The following PRKAG2 variants were observed in gnomAD, a reference collection of about 807,000 sequenced individuals.
The protein encoded by PRKAG2 is 5'-AMP-activated protein kinase subunit gamma-2.
PRKAG2 carries 26 observed loss-of-function variants against 69.6 expected under a neutral mutation model. That is an observed-to-expected ratio of 0.37 (90% CI 0.27 to 0.52). PRKAG2 has a LOEUF of 0.52. Among genes scored for constraint, PRKAG2 ranks in the 20% least tolerant of loss-of-function variants. PRKAG2 has a pLI of 0.90. For synonymous variants in PRKAG2, 293 were observed against 285.0 expected, an observed-to-expected ratio of 1.03 and a Z score of -0.28; for missense variants, 557 against 740.0, an observed-to-expected ratio of 0.75 and a Z score of 2.87.
Position 151,735,911 on chromosome 7 carries a change from T to G in PRKAG2, c.466+45241A>C, listed in dbSNP as rs138051386. Reference sequence around the variant, plus strand: ...GGGCAGAGTCCTACCGAAAAGGCCATGAGGCTCCGACTGGCGCCTCTCCGT... The same window carrying G: ...GGGCAGAGTCCTACCGAAAAGGCCAGGAGGCTCCGACTGGCGCCTCTCCGT... On this transcript the variant is annotated intron_variant, in intron 3 of 15. Coordinates refer to ENST00000287878, the MANE Select transcript of PRKAG2 (RefSeq NM_016203.4). The G allele has an allele frequency of 1.5e-4, 226 of 1,536,294 alleles. 1 individual carries two copies. The East Asian group carries it at 2.0e-3, about 14-fold the overall frequency.
At chr7:151,786,666 G>A in intron 1 of PRKAG2, 125 bp from the exon 2 acceptor site, 1 of 806,692 alleles carries the variant, frequency 1.2e-6, no homozygotes, top group Admixed American at 2.1e-5. Flanking sequence ...CCATGAAGAA[G>A]GGATGTGGAC....
At chr7:151,581,017 G>A (rs11765815) in intron 6 of PRKAG2, among the ~76,000 whole-genome samples, 16,878 of 152,098 alleles carry the variant, frequency 0.11, 1,150 homozygotes, top group East Asian at 0.27. Context: ...ATCCTGATGT[G>A]ATTATACAAT....
At position 151,614,928 on chromosome 7, in the gene PRKAG2, G is replaced by A. The variant is rs765456740; in HGVS notation, c.754+17141C>T. Among the ~76,000 whole-genome samples, 13 of 152,200 alleles carry A rather than the reference G, an allele frequency of 8.5e-5. No individual in the cohort carries two copies. Among genetic ancestry groups the A allele is most frequent in the Non-Finnish European group, 1.6e-4 (11 of 68,038 alleles). On this transcript the variant is annotated intron_variant, in intron 5 of 15. Coordinates refer to ENST00000287878, the MANE Select transcript of PRKAG2 (RefSeq NM_016203.4). This position sits in a 1 kb window ranked among gnomAD's most constrained non-coding sequence, Gnocchi z 4.4. ...CAGAGGGAACCTCGAGAGAGGAGCCGTGTGGATCTAGAGGGAACCTCGAGA... is the reference window on the plus strand; with the variant it reads ...CAGAGGGAACCTCGAGAGAGGAGCCATGTGGATCTAGAGGGAACCTCGAGA...
intron 14 of PRKAG2, among the ~76,000 whole-genome samples, 167 bp from the exon 15 acceptor site, chr7:151,560,784 G>A (rs1334619042): frequency 6.6e-6 from 1 of 152,206 alleles, no homozygotes; most frequent in Non-Finnish European, 1.5e-5. Flanking sequence ...GTGGCTGGGT[G>A]TGCTGGTGTG....
At chr7:151,730,432 C>T (rs1284539155) in intron 3 of PRKAG2, among the ~76,000 whole-genome samples, 2 of 152,178 alleles carry the variant, frequency 1.3e-5, no homozygotes, top group Non-Finnish European at 2.9e-5. Flanking sequence ...TTTGGGAAGC[C>T]AACGTGGAGG....
intron 1 of PRKAG2, among the ~76,000 whole-genome samples, chr7:151,837,879 C>A (rs1043620604): frequency 2.0e-5 from 3 of 152,196 alleles, no homozygotes; most frequent in Non-Finnish European, 4.4e-5. Context: ...ACAGCAGCTT[C>A]TCCTCCGGTA....
chr7:151,763,235 G>A (rs938952063), intron 3 of PRKAG2, among the ~76,000 whole-genome samples: 9 of 152,216 alleles, frequency 5.9e-5, no homozygotes, highest in African/African-American at 1.7e-4. Context: ...ACAGTCAGAC[G>A]CAGCCAAGGC....
At chr7:151,852,170 G>A (rs997605267) in intron 1 of PRKAG2, among the ~76,000 whole-genome samples, 1 of 152,108 alleles carries the variant, frequency 6.6e-6, no homozygotes, top group East Asian at 1.9e-4. Context: ...GGCACTGGTC[G>A]GGGGTCCCTG....
chr7:151,700,326 T>G (rs1394121519), intron 3 of PRKAG2, among the ~76,000 whole-genome samples: 2 of 152,162 alleles, frequency 1.3e-5, no homozygotes, highest in Non-Finnish European at 2.9e-5. Flanking sequence ...CCTTGGAGTA[T>G]GGTCTGAGGA....
rs75279516 is a variant in PRKAG2 at position 151,575,242 on chromosome 7, T to C, written c.947-293A>G. Among the ~76,000 whole-genome samples the C allele has an allele frequency of 4.6e-3, 703 of 152,304 alleles. 12 individuals carry two copies. The highest frequency in any genetic ancestry group is 0.016 in the African/African-American group (664 of 41,556). On this transcript the variant is annotated intron_variant, in intron 7 of 15. Transcript: ENST00000287878. ...AATTGATACAAATTTGAAAAAAGAATTGCAGTTACAGGTAAATAATTTTAA... is the reference window on the plus strand; with the variant it reads ...AATTGATACAAATTTGAAAAAAGAACTGCAGTTACAGGTAAATAATTTTAA...
chr7:151,751,328 A>G (rs191810118), intron 3 of PRKAG2, among the ~76,000 whole-genome samples: 1 of 151,624 alleles, frequency 6.6e-6, no homozygotes, highest in East Asian at 1.9e-4. Context: ...GTTAGCCAGG[A>G]TGGTCTCGAT....
At chr7:151,862,508 CTGTT>C (rs1231563126) in intron 1 of PRKAG2, among the ~76,000 whole-genome samples, 1 of 152,184 alleles carries the variant, frequency 6.6e-6, no homozygotes, top group Non-Finnish European at 1.5e-5. Flanking sequence ...CTTTCCCCCT[CTGTT>C]AGTTAAGCTT....
chr7:151,613,144 A>C (rs999901515), intron 5 of PRKAG2, among the ~76,000 whole-genome samples: 1 of 152,234 alleles, frequency 6.6e-6, no homozygotes, highest in African/African-American at 2.4e-5. Context: ...AGATGGAAGA[A>C]AGACAGTTGG....
At chr7:151,736,448 G>A in intron 3 of PRKAG2, 6 of 938,924 alleles carry the variant, frequency 6.4e-6, no homozygotes, top group South Asian at 4.6e-5. Context: ...AGGCAAAGGA[G>A]GCACAAGCCT....
At chr7:151,804,417 A>T (rs1369896860) in intron 1 of PRKAG2, among the ~76,000 whole-genome samples, 1 of 152,114 alleles carries the variant, frequency 6.6e-6, no homozygotes, top group East Asian at 1.9e-4. Flanking sequence ...CCCCTTATAA[A>T]ACCAACAGAT....
At position 151,726,174 on chromosome 7, in the gene PRKAG2, G is replaced by A. The variant is rs534156140; in HGVS notation, c.467-50537C>T. 5.3e-5 allele frequency among the ~76,000 whole-genome samples: 8 copies of A among 152,208 alleles called. 1 individual carries two copies. Among genetic ancestry groups the A allele is most frequent in the Admixed American group, 1.3e-4 (2 of 15,296 alleles). Reference sequence around the variant, plus strand: ...GGGGAAGCAGCTCAGGACATGGGGCGCTGGGGACTGCCCATCAGAGGAACC... The same window carrying A: ...GGGGAAGCAGCTCAGGACATGGGGCACTGGGGACTGCCCATCAGAGGAACC... On this transcript the variant is annotated intron_variant, in intron 3 of 15. Transcript: ENST00000287878.
intron 6 of PRKAG2, among the ~76,000 whole-genome samples, chr7:151,589,066 C>G (rs1812403352): frequency 1.3e-5 from 2 of 152,140 alleles, no homozygotes; most frequent in South Asian, 4.1e-4. Flanking sequence ...CAGGTTCTGA[C>G]AATACAGGAG....
At chr7:151,736,559 C>G (rs915693479) in intron 3 of PRKAG2, among the ~76,000 whole-genome samples, 3 of 152,188 alleles carry the variant, frequency 2.0e-5, no homozygotes, top group Non-Finnish European at 2.9e-5. Context: ...AGAGCACATT[C>G]CCATTGTGAC....
intron 4 of PRKAG2, among the ~76,000 whole-genome samples, chr7:151,670,609 C>A (rs1034475452): frequency 6.6e-5 from 10 of 152,190 alleles, no homozygotes; most frequent in Admixed American, 4.6e-4. Context: ...CCCACAATAA[C>A]GGAACGGGTT....
Sources: allele counts gnomAD v4.1 joint callset (sites outside exome capture counted in the v4.1 genomes callset), GRCh38; gene constraint gnomAD v4.1.1; non-coding constraint Gnocchi (gnomAD v3.1); transcripts MANE v1.5; gene names NCBI Gene and HGNC (gene_info 2026-07-23, HGNC 2026-07-21).